Variants in RGS8 observed in about 807,000 individuals in gnomAD.
RGS8 encodes regulator of G protein signaling 8.
RGS8 carries 8 observed loss-of-function variants against 21.7 expected under a neutral mutation model. The observed-to-expected ratio is 0.37, with a 90% CI of 0.22 to 0.66. The LOEUF is 0.66. Ranked by LOEUF, RGS8 falls within the 30% of genes least tolerant of loss-of-function variation. The probability of loss-of-function intolerance (pLI) is 0.59; values close to 1 mark genes in which losing one functional copy is unlikely to be tolerated. For synonymous variants in RGS8, 80 were observed against 83.6 expected (o/e 0.96, Z 0.24); for missense variants, 157 against 217.9 (o/e 0.72, Z 1.76).
chr1:182,742,602 G>A, the RGS8 span, among the ~76,000 whole-genome samples: 104 of 152,356 alleles, frequency 6.8e-4, 1 homozygote, highest in African/African-American at 2.4e-3. Context: ...AGTCAGGCGT[G>A]GTGGCGCGCG....
intron 1 of RGS8, among the ~76,000 whole-genome samples, chr1:182,680,963 C>T (rs987204278): frequency 3.3e-5 from 5 of 152,334 alleles, no homozygotes; most frequent in Non-Finnish European, 4.4e-5. Context: ...GGCAGGCTCT[C>T]CTTGGCTTAG....
the RGS8 span, among the ~76,000 whole-genome samples, chr1:182,695,458 A>T: frequency 6.6e-6 from 1 of 152,280 alleles, no homozygotes; most frequent in Admixed American, 6.5e-5. Context: ...GCCAAATCTA[A>T]ATTTTGAGCC....
intron 1 of RGS8, among the ~76,000 whole-genome samples, chr1:182,683,627 CAAAAAAA>C (rs397863359): frequency 2.0e-4 from 12 of 60,678 alleles, no homozygotes; most frequent in African/African-American, 5.7e-4. Flanking sequence ...TCCCAGTGCT[CAAAAAAA>C]AAAAAAAAAA....
At chr1:182,672,771 C>A (rs1557899119), upstream of RGS8, 4 of 1,609,106 alleles carry the variant, frequency 2.5e-6, no homozygotes, top group Non-Finnish European at 3.4e-6. Flanking sequence ...GCACATGATC[C>A]CTATTTTTCT....
the RGS8 span, among the ~76,000 whole-genome samples, chr1:182,731,356 T>C: frequency 6.6e-6 from 1 of 152,374 alleles, no homozygotes; most frequent in Admixed American, 6.5e-5. Context: ...TATATCCTAT[T>C]TCTTGCTTAC....
chr1:182,699,951 G>C, the RGS8 span, among the ~76,000 whole-genome samples: 1 of 152,306 alleles, frequency 6.6e-6, no homozygotes, highest in Non-Finnish European at 1.5e-5. Flanking sequence ...CTCACACAGT[G>C]CCTGCCCTGG....
chr1:182,648,452 A>T (rs1436031828), intron 5 of RGS8, 149 bp from the exon 7 acceptor site: 9 of 781,488 alleles, frequency 1.2e-5, no homozygotes, highest in Non-Finnish European at 1.6e-5. Flanking sequence ...CCCCATTCTC[A>T]TCTGGGTGCA....
At chr1:182,670,605 C>T (rs1664110178) in intron 2 of RGS8, among the ~76,000 whole-genome samples, 2 of 152,102 alleles carry the variant, frequency 1.3e-5, no homozygotes, top group African/African-American at 4.8e-5. Flanking sequence ...AACATAGAAC[C>T]CATTTTAAAA....
At chr1:182,664,191 C>A (rs1249601347) in intron 5 of RGS8, among the ~76,000 whole-genome samples, 3 of 152,082 alleles carry the variant, frequency 2.0e-5, no homozygotes, top group Non-Finnish European at 4.4e-5. Flanking sequence ...TAAACTCCGA[C>A]CATAATGGCT....
chr1:182,662,200 G>A (rs907369287), intron 5 of RGS8, among the ~76,000 whole-genome samples: 3 of 152,218 alleles, frequency 2.0e-5, no homozygotes, highest in Non-Finnish European at 4.4e-5. Context: ...TTCAGCCTAT[G>A]AGGTGCTCAG....
intron 2 of RGS8, 73 bp from the exon 4 acceptor site, chr1:182,669,825 G>A (rs1327567161): frequency 1.4e-6 from 2 of 1,435,956 alleles, no homozygotes; most frequent in African/African-American, 3.0e-5. Flanking sequence ...CTCTCAGACG[G>A]GTTTCCGCCA....
chr1:182,742,776 A>ACAGGGACAGG, the RGS8 span, among the ~76,000 whole-genome samples: 2 of 151,990 alleles, frequency 1.3e-5, no homozygotes, highest in Non-Finnish European at 2.9e-5. Flanking sequence ...AGGGACAGGG[A>ACAGGGACAGG]GAGGGAGAGG....
At chr1:182,726,594 C>T in the RGS8 span, among the ~76,000 whole-genome samples, 291 of 151,886 alleles carry the variant, frequency 1.9e-3, 2 homozygotes, top group African/African-American at 6.8e-3. Context: ...CGCTTGAACC[C>T]GAGAGGCAGA....
chr1:182,692,094 C>T, the RGS8 span, among the ~76,000 whole-genome samples: 3 of 151,808 alleles, frequency 2.0e-5, no homozygotes, highest in East Asian at 1.9e-4. Context: ...CAAACTCTGC[C>T]TCCTGGGTTC....
upstream of RGS8, among the ~76,000 whole-genome samples, chr1:182,674,459 G>C (rs373601287): frequency 6.6e-6 from 1 of 152,146 alleles, no homozygotes; most frequent in African/African-American, 2.4e-5. Context: ...ATTAAAACTA[G>C]TCCAAGCTTT....
At chr1:182,709,652 T>C in the RGS8 span, among the ~76,000 whole-genome samples, 2 of 152,174 alleles carry the variant, frequency 1.3e-5, no homozygotes, top group African/African-American at 4.8e-5. Context: ...CCTGCCTAGG[T>C]GGCAAGTAAA....
chr1:182,743,558 T>G, the RGS8 span, among the ~76,000 whole-genome samples: 1 of 152,206 alleles, frequency 6.6e-6, no homozygotes, highest in African/African-American at 2.4e-5. Context: ...ATCACCTACA[T>G]GATATGATCC....
At chr1:182,673,072 G>A (rs1664239040), upstream of RGS8, 1 of 581,438 alleles carries the variant, frequency 1.7e-6, no homozygotes, top group Admixed American at 3.0e-5. Flanking sequence ...GAGAAAGCTT[G>A]TCTTCTCGTT....
chr1:182,658,137 C>T (rs552727143), intron 5 of RGS8, among the ~76,000 whole-genome samples: 2 of 152,336 alleles, frequency 1.3e-5, no homozygotes, highest in Non-Finnish European at 2.9e-5. Context: ...ATATTGGCAT[C>T]TACCTGAGCA....
Sources: gnomAD v4.1 joint callset for allele counts (sites outside exome capture counted in the v4.1 genomes callset) on GRCh38, gnomAD v4.1.1 for gene constraint, MANE v1.5 for transcripts, NCBI Gene and HGNC (gene_info 2026-07-23, HGNC 2026-07-21) for gene names.